The following GRIN2A variants were observed in gnomAD, a reference collection of about 807,000 sequenced individuals.
GRIN2A encodes glutamate ionotropic receptor NMDA type subunit 2A.
GRIN2A carries 22 observed loss-of-function variants against 113.4 expected under a neutral mutation model. That is an observed-to-expected ratio of 0.19 (90% confidence interval 0.14 to 0.28). The LOEUF (loss-of-function observed/expected upper bound fraction) is 0.28, where lower values mean the gene tolerates loss of function less well. GRIN2A is among the 10% of genes least tolerant of loss of function. The probability of loss-of-function intolerance (pLI) is 1.00; values close to 1 mark genes in which losing one functional copy is unlikely to be tolerated. For synonymous variants in GRIN2A, 827 were observed against 738.4 expected (o/e 1.12, Z -1.94); for missense variants, 1,502 against 1,887.0 (o/e 0.80, Z 3.78).
intron 2 of GRIN2A, among the ~76,000 whole-genome samples, chr16:10,149,735 CT>C (rs1455871560): frequency 6.6e-6 from 1 of 152,202 alleles, no homozygotes; most frequent in East Asian, 1.9e-4. Flanking sequence ...CTGGTGCCCC[CT>C]ATCCCCTCCT....
chr16:9,880,431 A>G lies in GRIN2A; in HGVS notation c.1122+10555T>C, dbSNP rs557076159. 8.5e-5 allele frequency among the ~76,000 whole-genome samples: 13 copies of G among 152,304 alleles called. No homozygotes were observed. In the South Asian group the frequency reaches 2.1e-3, roughly 24 times the overall value. On this transcript the variant is annotated intron_variant, in intron 4 of 12. Transcript: ENST00000330684. Reference sequence around the variant, plus strand: ...ACGATTACTTTTGCCCCAACCTAATAGCTGCACAAAACTTTCTACTTTTAA... The same window carrying G: ...ACGATTACTTTTGCCCCAACCTAATGGCTGCACAAAACTTTCTACTTTTAA...
intron 2 of GRIN2A, among the ~76,000 whole-genome samples, chr16:10,078,466 G>A (rs58879221): frequency 1.1e-5 from 1 of 87,180 alleles, no homozygotes; most frequent in African/African-American, 3.7e-5. Flanking sequence ...GGCAAGACAA[G>A]GGGGGAAAAG....
intron 2 of GRIN2A, among the ~76,000 whole-genome samples, chr16:10,046,497 C>CA (rs941729531): frequency 1.3e-5 from 2 of 152,180 alleles, no homozygotes; most frequent in African/African-American, 4.8e-5. Flanking sequence ...CCAATATAAA[C>CA]ACCTTCCCAT....
At chr16:9,783,269 C>T (rs183036655) in intron 11 of GRIN2A, among the ~76,000 whole-genome samples, 114 of 152,248 alleles carry the variant, frequency 7.5e-4, no homozygotes, top group South Asian at 1.5e-3. Flanking sequence ...CATGAGACCC[C>T]GTCTACACGT....
At chr16:9,788,446 T>C (rs28510258) in intron 11 of GRIN2A, among the ~76,000 whole-genome samples, 50,145 of 151,554 alleles carry the variant, frequency 0.33, 8,460 homozygotes, top group African/African-American at 0.39. Context: ...TTAGTAGAAA[T>C]GGGGTTTTGC....
intron 3 of GRIN2A, among the ~76,000 whole-genome samples, chr16:9,910,441 A>G (rs1446531838): frequency 6.6e-6 from 1 of 151,902 alleles, no homozygotes; most frequent in Non-Finnish European, 1.5e-5. Context: ...AATAGAACTG[A>G]GCTAATTCAA....
intron 2 of GRIN2A, among the ~76,000 whole-genome samples, chr16:10,078,296 G>A (rs936283865): frequency 6.6e-6 from 1 of 152,052 alleles, no homozygotes; most frequent in African/African-American, 2.4e-5. Context: ...GCCTGGAACC[G>A]TGCTGGGGAA....
At chr16:10,170,545 G>C (rs1165751901) in intron 2 of GRIN2A, among the ~76,000 whole-genome samples, 3 of 152,158 alleles carry the variant, frequency 2.0e-5, no homozygotes, top group Admixed American at 1.3e-4. Flanking sequence ...TAATTAGTTT[G>C]ATGGTGACAA....
At chr16:10,111,401 G>A in intron 2 of GRIN2A, 2 of 506,296 alleles carry the variant, frequency 4.0e-6, no homozygotes, top group Non-Finnish European at 7.3e-6. Context: ...CATCTGATCA[G>A]TGGCGGCACC....
chr16:9,926,101 A>G (rs1033564268), intron 3 of GRIN2A, among the ~76,000 whole-genome samples: 9 of 152,130 alleles, frequency 5.9e-5, no homozygotes, highest in Admixed American at 2.6e-4. Context: ...AACATCTACA[A>G]ATTAATTCAG....
At chr16:9,767,745 G>A (rs1024205693) in intron 12 of GRIN2A, among the ~76,000 whole-genome samples, 10 of 152,228 alleles carry the variant, frequency 6.6e-5, no homozygotes, top group African/African-American at 2.2e-4. Flanking sequence ...TGTTGTTTAT[G>A]TTGAGTTGAA....
intron 2 of GRIN2A, among the ~76,000 whole-genome samples, chr16:10,163,320 C>A (rs1374059396): frequency 6.6e-6 from 1 of 152,280 alleles, no homozygotes; most frequent in East Asian, 1.9e-4. Flanking sequence ...TAGAAGGAAG[C>A]ACATTTCTGT....
chr16:10,167,643 T>C (rs2049951592), intron 2 of GRIN2A, among the ~76,000 whole-genome samples: 3 of 152,250 alleles, frequency 2.0e-5, no homozygotes, highest in Non-Finnish European at 4.4e-5. Context: ...AGATCTACGA[T>C]GCATTAATGG....
chr16:9,823,099 CG>C (rs1236925806), intron 9 of GRIN2A, among the ~76,000 whole-genome samples: 1 of 152,162 alleles, frequency 6.6e-6, no homozygotes, highest in Non-Finnish European at 1.5e-5. Flanking sequence ...ACGCAGCACT[CG>C]GCACTCAAGC....
rs115458790 is a variant in GRIN2A, at chr16:9,802,459, T to C, written c.2169-3995A>G. 2.5e-3 allele frequency among the ~76,000 whole-genome samples: 374 copies of C among 152,256 alleles called. 2 individuals carry two copies. Among genetic ancestry groups the C allele is most frequent in the African/African-American group, 8.4e-3 (351 of 41,546 alleles). ...GGAACAAACTATGAATTAAAATAAA[T>C]AATAACAAATGGAATCACTAATAAT... On this transcript the variant is annotated intron_variant, in intron 10 of 12. Coordinates refer to ENST00000330684, the MANE Select transcript of GRIN2A (RefSeq NM_001134407.3).
chr16:9,880,111 G>A (rs1037311696), intron 4 of GRIN2A, among the ~76,000 whole-genome samples: 7 of 152,084 alleles, frequency 4.6e-5, no homozygotes, highest in Admixed American at 2.6e-4. Context: ...GGTGTCACAA[G>A]GCCAAAATCA....
chr16:10,088,613 C>T (rs1305269949), intron 2 of GRIN2A, among the ~76,000 whole-genome samples: 1 of 152,204 alleles, frequency 6.6e-6, no homozygotes, highest in East Asian at 1.9e-4. Context: ...TTTGTGTGTC[C>T]AATTTCAAAG....
rs181859754 is a variant in GRIN2A, at chr16:10,164,753, T to C, written c.414+15245A>G. On this transcript the variant is annotated intron_variant, in intron 2 of 12. Transcript: ENST00000330684. The stretch of plus-strand genomic sequence containing the variant: ...GCCATCATTGTCTGAGGTTTTCCAT[T>C]TACACAATGAGAAATATCAAAGCAG... Among the ~76,000 whole-genome samples the C allele has an allele frequency of 3.6e-4, 55 of 152,308 alleles. 1 individual carries two copies. Among genetic ancestry groups the C allele is most frequent in the Admixed American group, 3.4e-3 (52 of 15,290 alleles).
chr16:9,786,505 C>A (rs1454416862), intron 11 of GRIN2A, among the ~76,000 whole-genome samples: 1 of 152,122 alleles, frequency 6.6e-6, no homozygotes, highest in East Asian at 1.9e-4. Flanking sequence ...TTGCCCAGTA[C>A]CTTCTGCAGG....
Sources: gnomAD v4.1 joint callset for allele counts (sites outside exome capture counted in the v4.1 genomes callset) on GRCh38, gnomAD v4.1.1 for gene constraint, MANE v1.5 for transcripts, NCBI Gene and HGNC (gene_info 2026-07-23, HGNC 2026-07-21) for gene names.